Variants in DYNC2LI1 observed in about 807,000 individuals in gnomAD.
DYNC2LI1 encodes the protein cytoplasmic dynein 2 light intermediate chain 1.
A neutral mutation model predicts 51.9 loss-of-function variants in DYNC2LI1; 45 were observed. The ratio of observed to expected loss-of-function variants is 0.87; its 90% confidence interval spans 0.68 to 1.11. The LOEUF (loss-of-function observed/expected upper bound fraction) is 1.11, where lower values mean the gene tolerates loss of function less well. Ranked by LOEUF, DYNC2LI1 falls within the 50% of genes most tolerant of loss-of-function variation. DYNC2LI1 has a pLI of 0.00. For missense variants in DYNC2LI1, 490 were observed against 417.4 expected (o/e 1.17, Z -1.51); for synonymous variants, 130 against 137.8 (o/e 0.94, Z 0.40).
rs1317895953 is a variant in DYNC2LI1, at chr2:43,776,969, G to A, written c.126+70G>A. 9.9e-6 allele frequency: 8 copies of A among 810,796 alleles called. No individual in the cohort carries two copies. The East Asian group carries it at 1.8e-4, about 18-fold the overall frequency. 50.2% of individuals were successfully genotyped at this position (810,796 alleles called of 1,614,324 possible). A position where few individuals can be genotyped will look rare whatever the true frequency, so the allele number is the denominator to read the frequency against. ...TTGGTAAAATATCTGTTAATACTTT[G>A]ATTAAAATGTAGATACTTCAACACT... On this transcript the variant is annotated intron_variant, in intron 2 of 12. Transcript: ENST00000260605.
In DYNC2LI1 at chr2:43,805,339, T is replaced by C. The variant is rs559565932; in HGVS notation, c.993+93T>C. On this transcript the variant is annotated intron_variant, in intron 12 of 12. Transcript: ENST00000260605. ...TTCCTTACATTTTTCTCTATGTATT[T>C]ACTTAGAGTATCTTCTTTACTATTA... 1.4e-5 allele frequency: 10 copies of C among 689,880 alleles called. No individual in the cohort carries two copies. The East Asian group carries it at 2.5e-4, about 17-fold the overall frequency. The allele number at this position is 689,880 out of a possible 1,614,324, so 42.7% of individuals were successfully genotyped here. A position where few individuals can be genotyped will look rare whatever the true frequency, so the allele number is the denominator to read the frequency against.
At chr2:43,777,717 C>T (rs2104657679) in intron 2 of DYNC2LI1, among the ~76,000 whole-genome samples, 1 of 152,356 alleles carries the variant, frequency 6.6e-6, no homozygotes, top group South Asian at 2.1e-4. Flanking sequence ...TGGGCAACGT[C>T]AGCGCCCAGG....
chr2:43,774,553 C>T (rs1672924338), intron 1 of DYNC2LI1, among the ~76,000 whole-genome samples: 1 of 152,180 alleles, frequency 6.6e-6, no homozygotes, highest in Non-Finnish European at 1.5e-5. Context: ...GAAAGTATAA[C>T]ATCACTTTTA....
intron 2 of DYNC2LI1, among the ~76,000 whole-genome samples, chr2:43,781,405 A>G (rs533715984): frequency 9.9e-5 from 15 of 152,012 alleles, no homozygotes; most frequent in Middle Eastern, 3.4e-3. Context: ...AGTGATTTAA[A>G]TCAATGAATA....
intron 2 of DYNC2LI1, among the ~76,000 whole-genome samples, chr2:43,780,347 A>C (rs970971667): frequency 2.0e-5 from 3 of 152,188 alleles, no homozygotes; most frequent in African/African-American, 7.2e-5. Flanking sequence ...TGGATTGCCA[A>C]GACCCATGTG....
chr2:43,814,687 T>C, downstream of DYNC2LI1: 3 of 700,056 alleles, frequency 4.3e-6, no homozygotes, highest in South Asian at 5.2e-5. Flanking sequence ...AACAGGAATA[T>C]AGTTTTCTAT....
intron 10 of DYNC2LI1, among the ~76,000 whole-genome samples, chr2:43,804,035 T>G (rs1408596659): frequency 6.6e-6 from 1 of 152,234 alleles, no homozygotes; most frequent in Non-Finnish European, 1.5e-5. Flanking sequence ...TTTGCTTTAA[T>G]GTAATTATGT....
Position 43,801,620 on chromosome 2 carries a change from C to T in DYNC2LI1, c.732-19C>T. ...TCTAATTGCTAAACTAATTTAGAAT[C>T]TTTCTCTTCTCCACGTAGCAAATCA... is the stretch of plus-strand genomic sequence containing the variant. On this transcript the variant is annotated intron_variant, in intron 9 of 12. Transcript: ENST00000260605. 1.3e-6 allele frequency: 2 copies of T among 1,589,448 alleles called. No homozygotes were observed. The highest frequency in any genetic ancestry group is 1.1e-5 in the South Asian group (1 of 87,554).
chr2:43,781,013 G>C (rs1232491199), intron 2 of DYNC2LI1, among the ~76,000 whole-genome samples: 1 of 152,094 alleles, frequency 6.6e-6, no homozygotes, highest in Non-Finnish European at 1.5e-5. Flanking sequence ...TCCCAGATTA[G>C]TTTATGTTAA....
chr2:43,820,175 A>C, the DYNC2LI1 span: 1 of 1,522,174 alleles, frequency 6.6e-7, no homozygotes, highest in Non-Finnish European at 8.9e-7. Flanking sequence ...TGCCTCTGTG[A>C]ATAAATCCTT....
rs757247066 is a variant in DYNC2LI1 at position 43,804,616 on chromosome 2, A to C, written c.803-26A>C. ...TTGTAATATTTTAATCATTGCAGTC[A>C]TTTGTGGTAAAACTTGCTATTTTAG... On this transcript the variant is annotated intron_variant, in intron 10 of 12. Coordinates refer to ENST00000260605, the MANE Select transcript of DYNC2LI1 (RefSeq NM_016008.4). 2.1e-6 allele frequency: 3 copies of C among 1,425,912 alleles called. No individual in the cohort carries two copies. In the South Asian group the frequency reaches 3.8e-5, roughly 18 times the overall value. 88.3% of individuals were successfully genotyped at this position (1,425,912 alleles called of 1,614,324 possible).
At chr2:43,775,255 G>C (rs1339794448) in intron 1 of DYNC2LI1, among the ~76,000 whole-genome samples, 1 of 152,146 alleles carries the variant, frequency 6.6e-6, no homozygotes, top group East Asian at 1.9e-4. Flanking sequence ...AGGAATGAAG[G>C]ATTTAAAGAG....
downstream of DYNC2LI1, among the ~76,000 whole-genome samples, chr2:43,813,673 TG>T (rs1255133755): frequency 0.012 from 1,797 of 148,360 alleles, 21 homozygotes; most frequent in Non-Finnish European, 0.02. Flanking sequence ...TTTTTTTGGT[TG>T]TTTTTTTTTT....
chr2:43,817,518 C>G, the DYNC2LI1 span, among the ~76,000 whole-genome samples: 1 of 151,576 alleles, frequency 6.6e-6, no homozygotes, highest in East Asian at 2.0e-4. Flanking sequence ...AAATAAAGAG[C>G]AACTAACCTC....
Position 43,794,461 on chromosome 2 carries a change from T to A in DYNC2LI1, c.325T>A (p.Phe109Ile). The part of the protein sequence containing the change: ...IPITGDTLRT[F>I]SLVLVLDLSK... ...AAAGTGTTTTTATTTCTTTAGGACG[T>A]TTTCTCTTGTTCTCGTTCTGGATCT... Residue 109 changes from phenylalanine (F) to isoleucine (I), a missense_variant, in exon 6 of 13, where the codon TTT becomes ATT. Phe to Ile is a conservative substitution (Grantham distance 21). Transcript: ENST00000260605. The A allele has an allele frequency of 1.2e-6, 2 of 1,604,854 alleles. No individual in the cohort carries two copies. The highest frequency in any genetic ancestry group is 1.7e-6 in the Non-Finnish European group (2 of 1,175,676).
chr2:43,809,136 C>T (rs1367271699), intron 12 of DYNC2LI1, among the ~76,000 whole-genome samples: 1 of 152,016 alleles, frequency 6.6e-6, no homozygotes, highest in Non-Finnish European at 1.5e-5. Flanking sequence ...CCACAGCGCA[C>T]ACCACCATGC....
downstream of DYNC2LI1, among the ~76,000 whole-genome samples, chr2:43,813,720 T>G (rs1172404867): frequency 3.2e-5 from 4 of 126,810 alleles, no homozygotes; most frequent in African/African-American, 6.3e-5. Context: ...TTTTTTTTTT[T>G]TTTTTTTTTT....
intron 2 of DYNC2LI1, among the ~76,000 whole-genome samples, chr2:43,780,690 G>A (rs911165457): frequency 1.3e-5 from 2 of 152,108 alleles, no homozygotes; most frequent in Non-Finnish European, 2.9e-5. Context: ...TCATAGAGTG[G>A]AAGGATTTTA....
the DYNC2LI1 span, chr2:43,823,994 C>A: frequency 6.2e-7 from 1 of 1,614,210 alleles, no homozygotes; most frequent in Admixed American, 1.7e-5. Context: ...TCCTGGATAG[C>A]ACCCTTTAGC....
Sources: allele counts gnomAD v4.1 joint callset (sites outside exome capture counted in the v4.1 genomes callset), GRCh38; gene constraint gnomAD v4.1.1; transcripts MANE v1.5; gene names NCBI Gene and HGNC (gene_info 2026-07-23, HGNC 2026-07-21).